Variants in KITLG observed in about 807,000 individuals in gnomAD.
KITLG encodes the protein KIT ligand.
A neutral mutation model predicts 34.1 loss-of-function variants in KITLG; 13 were observed. That is an observed-to-expected ratio of 0.38 (90% CI 0.25 to 0.61). The LOEUF (loss-of-function observed/expected upper bound fraction) is 0.61. Ranked by LOEUF, KITLG falls within the 20% of genes least tolerant of loss-of-function variation. The pLI, the probability that KITLG is intolerant of heterozygous loss-of-function variation, is 0.60. For synonymous variants in KITLG, 110 were observed against 104.0 expected (o/e 1.06, Z -0.35); for missense variants, 292 against 318.9 (o/e 0.92, Z 0.64).
intron 3 of KITLG, among the ~76,000 whole-genome samples, chr12:88,531,343 AT>A (rs1870083009): frequency 6.6e-6 from 1 of 152,190 alleles, no homozygotes; most frequent in South Asian, 2.1e-4. Context: ...CAAACTGGGG[AT>A]TAATGAAGAC....
chr12:88,497,684 G>A lies in KITLG; in HGVS notation c.*38-503C>T, dbSNP rs1411574210. Among the ~76,000 whole-genome samples, 4 of 152,196 alleles carry A rather than the reference G, an allele frequency of 2.6e-5. No individual in the cohort carries two copies. The East Asian group carries it at 7.7e-4, about 29-fold the overall frequency. On this transcript the variant is annotated intron_variant, in intron 9 of 9. Transcript: ENST00000644744. ...GAAGGGAGAAGGATTGACGAACAAA[G>A]TGTCTGGAGAGTGGAGATTAGAGAA... is the stretch of plus-strand genomic sequence containing the variant.
At chr12:88,546,704 A>C (rs1165797640) in intron 1 of KITLG, among the ~76,000 whole-genome samples, 2 of 152,192 alleles carry the variant, frequency 1.3e-5, no homozygotes, top group Non-Finnish European at 2.9e-5. Flanking sequence ...TTGCTGGGTC[A>C]ATCAGTGGTC....
intron 3 of KITLG, among the ~76,000 whole-genome samples, chr12:88,527,475 T>C (rs1869917035): frequency 6.6e-6 from 1 of 152,182 alleles, no homozygotes; most frequent in Admixed American, 6.5e-5. Flanking sequence ...GAAGGCTTAT[T>C]GTTAGAGTGG....
chr12:88,552,197 C>CAG (rs1440444780), intron 1 of KITLG, among the ~76,000 whole-genome samples: 1 of 142,150 alleles, frequency 7.0e-6, no homozygotes, highest in African/African-American at 2.7e-5. Context: ...TTTTTTTTGA[C>CAG]AGAGTCTCTC....
At chr12:88,518,185 A>C (rs1273080493) in intron 4 of KITLG, among the ~76,000 whole-genome samples, 2 of 152,130 alleles carry the variant, frequency 1.3e-5, no homozygotes, top group African/African-American at 4.8e-5. Context: ...TTTAAACTCC[A>C]ATATCTCACT....
chr12:88,567,590 C>G (rs1248721378), intron 1 of KITLG, among the ~76,000 whole-genome samples: 1 of 152,150 alleles, frequency 6.6e-6, no homozygotes, highest in Non-Finnish European at 1.5e-5. Flanking sequence ...GAAAATAAAA[C>G]CTGAATTCAT....
In KITLG at chr12:88,562,906, G is replaced by A. The variant is rs563471168; in HGVS notation, c.16-17041C>T. On this transcript the variant is annotated intron_variant, in intron 1 of 9. Transcript: ENST00000644744. Reference sequence around the variant, plus strand: ...CTCCCTTTCTGAAGAAACTACGTAAGTATAAAGTGGAGTTTCTTTCCTTTA... The same window carrying A: ...CTCCCTTTCTGAAGAAACTACGTAAATATAAAGTGGAGTTTCTTTCCTTTA... Among the ~76,000 whole-genome samples the A allele has an allele frequency of 3.3e-5, 5 of 152,242 alleles. No individual in the cohort carries two copies. In the South Asian group the frequency reaches 8.3e-4, roughly 25 times the overall value.
intron 9 of KITLG, 35 bp downstream of exon 9, chr12:88,505,124 A>G: frequency 8.7e-7 from 1 of 1,155,672 alleles, no homozygotes; most frequent in Non-Finnish European, 1.3e-6. Flanking sequence ...TATAATAAAA[A>G]AAAGAAAAAA....
At chr12:88,552,637 G>A (rs1389111040) in intron 1 of KITLG, among the ~76,000 whole-genome samples, 2 of 152,106 alleles carry the variant, frequency 1.3e-5, no homozygotes, top group South Asian at 2.1e-4. Flanking sequence ...AATTGCCTCT[G>A]CCAGAATTAT....
rs73439037 is a variant in KITLG at position 88,552,592 on chromosome 12, T to C, written c.16-6727A>G. On this transcript the variant is annotated intron_variant, in intron 1 of 9. Coordinates refer to ENST00000644744, the MANE Select transcript of KITLG (RefSeq NM_000899.5). ...GAATGAATGAATGAAAGGTGTAGTGTAGTGATGGTCAAGCTATTCCAAATG... is the reference window on the plus strand; with the variant it reads ...GAATGAATGAATGAAAGGTGTAGTGCAGTGATGGTCAAGCTATTCCAAATG... Among the ~76,000 whole-genome samples, 1,144 of 152,264 alleles carry C rather than the reference T, an allele frequency of 7.5e-3. 23 individuals carry two copies. Among genetic ancestry groups the C allele is most frequent in the African/African-American group, 0.026 (1,080 of 41,560 alleles).
At chr12:88,525,512 G>C (rs1869833337) in intron 3 of KITLG, among the ~76,000 whole-genome samples, 1 of 152,154 alleles carries the variant, frequency 6.6e-6, no homozygotes, top group Non-Finnish European at 1.5e-5. Flanking sequence ...TTGCTCTGTA[G>C]ATAGTCAAAA....
At chr12:88,541,791 C>T (rs1870528153) in intron 2 of KITLG, among the ~76,000 whole-genome samples, 1 of 151,844 alleles carries the variant, frequency 6.6e-6, no homozygotes, top group African/African-American at 2.4e-5. Context: ...ACCGTGGGGG[C>T]AGTACAAAGT....
chr12:88,498,064 A>G (rs781618827), intron 9 of KITLG, among the ~76,000 whole-genome samples: 4 of 152,138 alleles, frequency 2.6e-5, no homozygotes, highest in Non-Finnish European at 4.4e-5. Flanking sequence ...AGATGTTTCA[A>G]CTTTCCAGTA....
chr12:88,569,258 T>C (rs1456609942), intron 1 of KITLG, among the ~76,000 whole-genome samples: 1 of 152,182 alleles, frequency 6.6e-6, no homozygotes, highest in Non-Finnish European at 1.5e-5. Flanking sequence ...AGAAGTAACT[T>C]TGCTCTAGGT....
chr12:88,537,474 T>C (rs1870367370), intron 2 of KITLG, among the ~76,000 whole-genome samples: 1 of 151,544 alleles, frequency 6.6e-6, no homozygotes, highest in Non-Finnish European at 1.5e-5. Context: ...CAGGGACAAC[T>C]AGATAGGAAG....
At chr12:88,579,301 G>C (rs528063971) in intron 1 of KITLG, among the ~76,000 whole-genome samples, 3 of 152,066 alleles carry the variant, frequency 2.0e-5, no homozygotes, top group Non-Finnish European at 2.9e-5. Flanking sequence ...CAGAACCTCT[G>C]GGGGGTGAAA....
chr12:88,520,558 A>G (rs762457996), intron 3 of KITLG, among the ~76,000 whole-genome samples: 13 of 152,166 alleles, frequency 8.5e-5, no homozygotes, highest in Non-Finnish European at 1.8e-4. Flanking sequence ...TCACTTTATG[A>G]GTATGCTTGC....
At chr12:88,515,961 G>A (rs1869440686) in intron 5 of KITLG, among the ~76,000 whole-genome samples, 1 of 151,762 alleles carries the variant, frequency 6.6e-6, no homozygotes, top group African/African-American at 2.4e-5. Context: ...AGTAACTGGG[G>A]AGGATCAGAA....
At chr12:88,533,353 A>T (rs961850662) in intron 2 of KITLG, among the ~76,000 whole-genome samples, 5 of 152,196 alleles carry the variant, frequency 3.3e-5, no homozygotes, top group Non-Finnish European at 5.9e-5. Context: ...CCTATGTCAA[A>T]TGGTCATTTA....
Sources: gnomAD v4.1 joint callset for allele counts (sites outside exome capture counted in the v4.1 genomes callset) on GRCh38, gnomAD v4.1.1 for gene constraint, MANE v1.5 for transcripts, NCBI Gene and HGNC (gene_info 2026-07-23, HGNC 2026-07-21) for gene names.